The following FARP1 variants were observed in gnomAD, a reference collection of about 807,000 sequenced individuals.
The protein encoded by FARP1 is FERM, ARHGEF and pleckstrin domain-containing protein 1.
In FARP1, 52 loss-of-function variants were observed where a neutral mutation model predicts 128.8. The ratio of observed to expected loss-of-function variants is 0.40; its 90% CI spans 0.32 to 0.51. FARP1 has a LOEUF of 0.51. Ranked by LOEUF, FARP1 falls within the 20% of genes least tolerant of loss-of-function variation. The pLI is 0.45. For missense variants in FARP1, 1,333 were observed against 1,367.9 expected (o/e 0.97, Z 0.40); for synonymous variants, 580 against 551.8 (o/e 1.05, Z -0.72).
intron 2 of FARP1, among the ~76,000 whole-genome samples, chr13:98,240,520 G>C (rs1157049698): frequency 6.6e-6 from 1 of 152,210 alleles, no homozygotes; most frequent in Non-Finnish European, 1.5e-5. Context: ...TCTATGACAA[G>C]TTGACAGCAT....
rs34250002 is a variant in FARP1 at position 98,151,660 on chromosome 13, C to CTTT, written c.-24+8185_-24+8187dup. Among the ~76,000 whole-genome samples, 27 of 69,220 alleles carry CTTT rather than the reference C, an allele frequency of 3.9e-4. 2 individuals carry two copies. Among genetic ancestry groups the CTTT allele is most frequent in the Admixed American group, 1.2e-3 (4 of 3,424 alleles). 45.4% of individuals were successfully genotyped at this position (69,220 alleles called of 152,430 possible). A position where few individuals can be genotyped will look rare whatever the true frequency, so the allele number is the denominator to read the frequency against. On this transcript the variant is annotated intron_variant, in intron 1 of 26. Transcript: ENST00000319562. ...AAACCTGCCCTTATATATCTTCCAT[C>CTTT]TTTTTTTTTTTTTTTTTTTGAGACG...
At chr13:98,387,406 C>T (rs1412722985) in intron 8 of FARP1, among the ~76,000 whole-genome samples, 1 of 152,204 alleles carries the variant, frequency 6.6e-6, no homozygotes, top group Non-Finnish European at 1.5e-5. Flanking sequence ...AGAAGTGTCT[C>T]ACAATTGAAT....
At chr13:98,426,681 A>G (rs145661219) in intron 17 of FARP1, among the ~76,000 whole-genome samples, 1 of 152,318 alleles carries the variant, frequency 6.6e-6, no homozygotes, top group Non-Finnish European at 1.5e-5. Flanking sequence ...GTGTTCAAAC[A>G]GCAACCCTTT....
chr13:98,329,074 G>A (rs955310844), intron 2 of FARP1: 1 of 152,206 alleles, frequency 6.6e-6, no homozygotes, highest in Non-Finnish European at 1.5e-5. Flanking sequence ...CTTAAAAGCC[G>A]CCTGCGGGGT....
chr13:98,433,297 A>G (rs190163695), intron 18 of FARP1: 1 of 152,272 alleles, frequency 6.6e-6, no homozygotes, highest in African/African-American at 2.4e-5. Flanking sequence ...TATATGGCGG[A>G]CTCCTACAAA....
At chr13:98,265,927 CTG>C (rs1444240502) in intron 2 of FARP1, among the ~76,000 whole-genome samples, 4 of 152,258 alleles carry the variant, frequency 2.6e-5, no homozygotes, top group Middle Eastern at 3.4e-3. Context: ...AGTTGATTCT[CTG>C]TGACTTGCCG....
intron 1 of FARP1, among the ~76,000 whole-genome samples, chr13:98,208,216 G>T (rs55782222): frequency 6.6e-6 from 1 of 151,868 alleles, no homozygotes; most frequent in East Asian, 1.9e-4. Context: ...AGGGGCCAGC[G>T]TGGTGGCTAA....
At chr13:98,438,456 A>G (rs959266733) in intron 19 of FARP1, among the ~76,000 whole-genome samples, 1 of 151,674 alleles carries the variant, frequency 6.6e-6, no homozygotes, top group African/African-American at 2.4e-5. Context: ...AGGCCCGGGC[A>G]CTCTTGAACC....
At chr13:98,165,131 C>T (rs546698449) in intron 1 of FARP1, among the ~76,000 whole-genome samples, 26 of 144,478 alleles carry the variant, frequency 1.8e-4, no homozygotes, top group African/African-American at 4.8e-4. Flanking sequence ...AAGAGAATCA[C>T]TTGAACCTGG....
intron 13 of FARP1, chr13:98,405,669 G>A (rs1333722626): frequency 1.3e-5 from 2 of 152,232 alleles, no homozygotes; most frequent in East Asian, 3.8e-4. Flanking sequence ...CTTTCGGTGT[G>A]TGACTGATCT....
intron 2 of FARP1, among the ~76,000 whole-genome samples, chr13:98,314,548 G>T (rs1886641910): frequency 6.6e-6 from 1 of 152,036 alleles, no homozygotes; most frequent in Admixed American, 6.6e-5. Context: ...AAAGTGCTGG[G>T]ATTACAGGCA....
At chr13:98,358,396 T>C (rs1449182367) in intron 3 of FARP1, among the ~76,000 whole-genome samples, 5 of 152,112 alleles carry the variant, frequency 3.3e-5, no homozygotes, top group African/African-American at 1.2e-4. Context: ...TGTTTTCAGA[T>C]CTGTTGTGTT....
intron 2 of FARP1, among the ~76,000 whole-genome samples, chr13:98,318,495 G>A (rs983389307): frequency 3.3e-5 from 5 of 152,172 alleles, no homozygotes; most frequent in Non-Finnish European, 7.3e-5. Flanking sequence ...ATTTGGATGG[G>A]GCACAGTTTA....
chr13:98,445,888 A>G (rs1892803325), intron 24 of FARP1: 1 of 524,084 alleles, frequency 1.9e-6, no homozygotes, highest in Non-Finnish European at 3.4e-6. Context: ...GGACCCCAAG[A>G]TGCCCCACAG....
rs140351617 is a variant in FARP1, at chr13:98,260,619, A to G, written c.171+47206A>G. Among the ~76,000 whole-genome samples, 292 of 152,334 alleles carry G rather than the reference A, an allele frequency of 1.9e-3. 2 individuals carry two copies. The highest frequency in any genetic ancestry group is 6.5e-3 in the African/African-American group (271 of 41,566). On this transcript the variant is annotated intron_variant, in intron 2 of 26. Transcript: ENST00000319562. ...GAGCACTTGCTTTATAAAGCTGCCC[A>G]CACACTCTTCACTCTACTTGCTTTT...
At chr13:98,204,592 G>A (rs538832520) in intron 1 of FARP1, among the ~76,000 whole-genome samples, 14 of 110,464 alleles carry the variant, frequency 1.3e-4, no homozygotes, top group Admixed American at 1.1e-3. Context: ...CTTTTGTTTT[G>A]CTGAAGTTTA....
intron 2 of FARP1, among the ~76,000 whole-genome samples, chr13:98,273,482 C>T (rs147205868): frequency 6.6e-6 from 1 of 152,174 alleles, no homozygotes; most frequent in Non-Finnish European, 1.5e-5. Flanking sequence ...CCATCCTGGC[C>T]AGGAATTCAG....
intron 2 of FARP1, among the ~76,000 whole-genome samples, chr13:98,343,351 A>C (rs1242488828): frequency 6.6e-6 from 1 of 152,168 alleles, no homozygotes; most frequent in East Asian, 1.9e-4. Flanking sequence ...TGAGCTATGG[A>C]GTGTGAGTGA....
At chr13:98,298,860 A>G (rs1268658804) in intron 2 of FARP1, among the ~76,000 whole-genome samples, 1 of 152,210 alleles carries the variant, frequency 6.6e-6, no homozygotes. Context: ...ATAGAAAGGA[A>G]TAAATGGTGA....
Sources: gnomAD v4.1 joint callset for allele counts (sites outside exome capture counted in the v4.1 genomes callset) on GRCh38, gnomAD v4.1.1 for gene constraint, MANE v1.5 for transcripts, NCBI Gene and HGNC (gene_info 2026-07-23, HGNC 2026-07-21) for gene names.